Variants in LRCH1 observed in about 807,000 individuals in gnomAD.
LRCH1 encodes the protein leucine-rich repeat and calponin homology domain-containing protein 1.
LRCH1 carries 23 observed loss-of-function variants against 94.9 expected under a neutral mutation model. The ratio of observed to expected loss-of-function variants is 0.24; its 90% CI spans 0.17 to 0.34. The LOEUF (loss-of-function observed/expected upper bound fraction) is 0.34, where lower values mean the gene tolerates loss of function less well. Ranked by LOEUF, LRCH1 falls within the 10% of genes least tolerant of loss-of-function variation. The probability of loss-of-function intolerance (pLI) is 1.00; values close to 1 mark genes in which losing one functional copy is unlikely to be tolerated. For synonymous variants in LRCH1, 364 were observed against 354.9 expected, an observed-to-expected ratio of 1.03 and a Z score of -0.29; for missense variants, 790 against 945.9, an observed-to-expected ratio of 0.84 and a Z score of 2.16.
rs1329463934 is a variant in LRCH1 at position 46,633,908 on chromosome 13, T to C, written c.308-16293T>C. Reference sequence around the variant, plus strand: ...TTTTTTTTTTTTTTTTGAGATGGAGTCTCGCTCTGTCGCCCGGCTGGAGTT... The same window carrying C: ...TTTTTTTTTTTTTTTTGAGATGGAGCCTCGCTCTGTCGCCCGGCTGGAGTT... On this transcript the variant is annotated intron_variant, in intron 1 of 19. Transcript: ENST00000389797. Among the ~76,000 whole-genome samples the C allele has an allele frequency of 6.2e-5, 9 of 145,026 alleles. No individual in the cohort carries two copies. The East Asian group carries it at 1.8e-3, about 29-fold the overall frequency.
intron 1 of LRCH1, among the ~76,000 whole-genome samples, chr13:46,620,283 C>T (rs368184556): frequency 1.3e-5 from 2 of 151,532 alleles, no homozygotes; most frequent in Non-Finnish European, 2.9e-5. Context: ...TAGGATCACT[C>T]GAGCCGAGGA....
At chr13:46,716,055 G>A (rs1252589626) in intron 16 of LRCH1, among the ~76,000 whole-genome samples, 2 of 152,048 alleles carry the variant, frequency 1.3e-5, no homozygotes, top group African/African-American at 2.4e-5. Context: ...TGCTTACTGT[G>A]TGAGATTTCT....
At chr13:46,732,165 C>T (rs1431466112) in intron 18 of LRCH1, among the ~76,000 whole-genome samples, 1 of 152,190 alleles carries the variant, frequency 6.6e-6, no homozygotes, top group East Asian at 1.9e-4. Context: ...AGTATTATCA[C>T]CAGCAAAAGC....
intron 1 of LRCH1, among the ~76,000 whole-genome samples, chr13:46,648,860 T>C (rs1429426202): frequency 6.6e-6 from 1 of 152,226 alleles, no homozygotes; most frequent in African/African-American, 2.4e-5. Flanking sequence ...AATAAGGTTG[T>C]TTAAAAATTA....
intron 1 of LRCH1, among the ~76,000 whole-genome samples, chr13:46,619,000 G>A (rs1426849876): frequency 3.3e-5 from 5 of 152,164 alleles, no homozygotes; most frequent in Non-Finnish European, 7.4e-5. Flanking sequence ...GAAAAATCCT[G>A]TCAGATTCTT....
At chr13:46,751,308 A>G (rs1874126555) in exon 19 of LRCH1, 2 of 152,120 alleles carry the variant, frequency 1.3e-5, no homozygotes, top group African/African-American at 2.4e-5. Flanking sequence ...TTTCTGGTAT[A>G]TATGATTCCA....
intron 1 of LRCH1, among the ~76,000 whole-genome samples, chr13:46,614,796 C>T (rs2050786956): frequency 6.6e-6 from 1 of 152,124 alleles, no homozygotes; most frequent in Non-Finnish European, 1.5e-5. Flanking sequence ...GAAGGACTTA[C>T]TCTATTGTAT....
chr13:46,640,334 A>G (rs375338914), intron 1 of LRCH1, among the ~76,000 whole-genome samples: 7 of 152,202 alleles, frequency 4.6e-5, no homozygotes, highest in African/African-American at 1.2e-4. Flanking sequence ...CACTAATTCA[A>G]TGGAGCCAGT....
intron 1 of LRCH1, among the ~76,000 whole-genome samples, chr13:46,586,638 A>G (rs758230703): frequency 6.6e-6 from 1 of 152,156 alleles, no homozygotes; most frequent in African/African-American, 2.4e-5. Flanking sequence ...GGCTGGTCTC[A>G]AACTCCTGAG....
chr13:46,626,089 A>C (rs2050945548), intron 1 of LRCH1, among the ~76,000 whole-genome samples: 1 of 152,026 alleles, frequency 6.6e-6, no homozygotes, highest in Non-Finnish European at 1.5e-5. Context: ...TCATGTTTTT[A>C]TGTTTCTTTT....
chr13:46,651,282 A>G (rs1420371936), intron 2 of LRCH1, among the ~76,000 whole-genome samples: 2 of 152,226 alleles, frequency 1.3e-5, no homozygotes, highest in Non-Finnish European at 2.9e-5. Flanking sequence ...ACCAGGTATA[A>G]TGTCAGTGGT....
At chr13:46,610,477 A>C (rs985018224) in intron 1 of LRCH1, among the ~76,000 whole-genome samples, 4 of 150,690 alleles carry the variant, frequency 2.7e-5, no homozygotes, top group African/African-American at 9.8e-5. Context: ...GAAAGATAAT[A>C]TCTTTTTTTC....
At chr13:46,602,897 C>T (rs896093537) in intron 1 of LRCH1, among the ~76,000 whole-genome samples, 1 of 152,110 alleles carries the variant, frequency 6.6e-6, no homozygotes, top group African/African-American at 2.4e-5. Flanking sequence ...TGCAGTGAAC[C>T]ATGATTGTGC....
chr13:46,748,091 T>A (rs1873981867), downstream of LRCH1, among the ~76,000 whole-genome samples: 2 of 152,188 alleles, frequency 1.3e-5, no homozygotes, highest in African/African-American at 4.8e-5. Flanking sequence ...GTTACTTATC[T>A]TCTTATTAAT....
intron 1 of LRCH1, among the ~76,000 whole-genome samples, chr13:46,598,660 A>G (rs2050593222): frequency 6.6e-6 from 1 of 151,874 alleles, no homozygotes; most frequent in Non-Finnish European, 1.5e-5. Flanking sequence ...TTGCAAGGCT[A>G]TTTGGTTAGA....
At chr13:46,570,535 G>T (rs994799841) in intron 1 of LRCH1, among the ~76,000 whole-genome samples, 1 of 152,184 alleles carries the variant, frequency 6.6e-6, no homozygotes, top group Non-Finnish European at 1.5e-5. Context: ...GCTCCACTGC[G>T]TGCATGAGGA....
chr13:46,660,083 C>T (rs927698960), intron 2 of LRCH1, among the ~76,000 whole-genome samples: 9 of 136,904 alleles, frequency 6.6e-5, no homozygotes, highest in Admixed American at 8.3e-5. Context: ...GCGATCTCTG[C>T]TCACTGCAAG....
At chr13:46,648,350 C>T (rs1185524907) in intron 1 of LRCH1, among the ~76,000 whole-genome samples, 7 of 152,162 alleles carry the variant, frequency 4.6e-5, no homozygotes, top group Non-Finnish European at 1.0e-4. Context: ...ACACTCACCT[C>T]CTGCTGTGCA....
intron 1 of LRCH1, among the ~76,000 whole-genome samples, chr13:46,594,834 T>C (rs1249766016): frequency 6.6e-6 from 1 of 152,200 alleles, no homozygotes; most frequent in Non-Finnish European, 1.5e-5. Context: ...TGTGTGTTTT[T>C]TTAATTTAGC....
Sources: allele counts gnomAD v4.1 joint callset (sites outside exome capture counted in the v4.1 genomes callset), GRCh38; gene constraint gnomAD v4.1.1; transcripts MANE v1.5; gene names NCBI Gene and HGNC (gene_info 2026-07-23, HGNC 2026-07-21).